Variants in PCDHGA4 observed in about 807,000 individuals in gnomAD.
PCDHGA4 encodes the protein protocadherin gamma subfamily A, 4.
A neutral mutation model predicts 54.6 loss-of-function variants in PCDHGA4; 38 were observed. That is an observed-to-expected ratio of 0.70 (90% CI 0.54 to 0.91). PCDHGA4 has a LOEUF of 0.91. PCDHGA4 is among the 40% of genes least tolerant of loss of function. PCDHGA4 has a pLI of 0.00. For synonymous variants in PCDHGA4, 511 were observed against 512.9 expected, an observed-to-expected ratio of 1.00 and a Z score of 0.05; for missense variants, 1,298 against 1,220.9, an observed-to-expected ratio of 1.06 and a Z score of -0.94.
intron 1 of PCDHGA4, chr5:141,388,548 C>A: frequency 6.2e-7 from 1 of 1,613,842 alleles, no homozygotes; most frequent in Non-Finnish European, 8.5e-7. Flanking sequence ...AGCTCCACCC[C>A]TAAGCAGCAC....
At chr5:141,503,005 G>A (rs915064303) in intron 2 of PCDHGA4, among the ~76,000 whole-genome samples, 16 of 145,340 alleles carry the variant, frequency 1.1e-4, no homozygotes, top group African/African-American at 2.3e-4. Flanking sequence ...CACCATGCCC[G>A]GTTAATTTTT....
intron 1 of PCDHGA4, chr5:141,413,345 G>A (rs2095628318): frequency 8.7e-6 from 14 of 1,613,996 alleles, no homozygotes; most frequent in Non-Finnish European, 1.0e-5. Flanking sequence ...AAGGACTTGG[G>A]TCTGGCGCCC....
rs369918010 is a variant in PCDHGA4 at position 141,356,449 on chromosome 5, G to T, written c.1342G>T (p.Glu448Ter). ...AACACTGGACAGGGAAGAAGTCTCAGAATATAACATCACTGTAACTGCCAC... is the reference window on the plus strand; with the variant it reads ...AACACTGGACAGGGAAGAAGTCTCATAATATAACATCACTGTAACTGCCAC... Reference protein sequence around the residue: ...HRTLDREEVSEYNITVTATDQ... With the variant: ...HRTLDREEVS The change falls in exon 1 of 4, where the codon GAA becomes TAA. Residue 448 changes from glutamate to a stop codon, truncating the protein, a stop_gained. Coordinates refer to ENST00000571252, the MANE Select transcript of PCDHGA4 (RefSeq NM_018917.4). LOFTEE classifies it high-confidence loss of function. 1.9e-5 allele frequency: 30 copies of T among 1,612,926 alleles called. No homozygotes were observed. Among genetic ancestry groups the T allele is most frequent in the Non-Finnish European group, 2.3e-5 (27 of 1,179,372 alleles).
At chr5:141,423,833 T>A in intron 1 of PCDHGA4, 1 of 1,262,398 alleles carries the variant, frequency 7.9e-7, no homozygotes, top group Non-Finnish European at 1.0e-6. Context: ...TTCATGAGAT[T>A]ACGATAATCT....
intron 1 of PCDHGA4, chr5:141,384,761 TG>T (rs747704737): frequency 9.3e-6 from 15 of 1,613,968 alleles, no homozygotes; most frequent in Non-Finnish European, 1.3e-5. Flanking sequence ...GCGGTTGGGC[TG>T]TACACGGGCG....
At chr5:141,421,829 T>G in intron 1 of PCDHGA4, 5 of 1,613,784 alleles carry the variant, frequency 3.1e-6, no homozygotes, top group Non-Finnish European at 4.2e-6. Context: ...GAGGGAAGCC[T>G]GGACCGAGAG....
chr5:141,366,830 C>T, intron 1 of PCDHGA4: 1 of 1,521,896 alleles, frequency 6.6e-7, no homozygotes, highest in Non-Finnish European at 8.8e-7. Context: ...TATTCAGAAT[C>T]AGCTAGTTAT....
intron 1 of PCDHGA4, chr5:141,413,354 C>T: frequency 6.2e-7 from 1 of 1,613,974 alleles, no homozygotes; most frequent in South Asian, 1.1e-5. Flanking sequence ...GGTCTGGCGC[C>T]CCGGGAGCTG....
rs570083634 is a variant in PCDHGA4, at chr5:141,427,859, C to G, written c.2515-66948C>G. 25 of 1,556,390 alleles carry G rather than the reference C, an allele frequency of 1.6e-5. No homozygotes were observed. The Admixed American group carries it at 2.0e-4, about 13-fold the overall frequency. ...CCTTCGACCACGAGCAGCTGTGCGC[C>G]TTCGAGCTCACGATGCAGGCCCACG... On this transcript the variant is annotated intron_variant, in intron 1 of 3. Coordinates refer to ENST00000571252, the MANE Select transcript of PCDHGA4 (RefSeq NM_018917.4).
chr5:141,390,665 T>C, intron 1 of PCDHGA4: 1 of 192,900 alleles, frequency 5.2e-6, no homozygotes, highest in Non-Finnish European at 1.1e-5. Context: ...ACCATAAATA[T>C]AAAAATAATA....
At chr5:141,427,969 A>G (rs1239461810) in intron 1 of PCDHGA4, 1 of 1,591,942 alleles carries the variant, frequency 6.3e-7, no homozygotes, top group Admixed American at 1.7e-5. Context: ...CGGGTGCTGT[A>G]CCCCGCGCTG....
chr5:141,403,049 T>C (rs368917303), intron 1 of PCDHGA4: 2 of 1,613,938 alleles, frequency 1.2e-6, no homozygotes, highest in Non-Finnish European at 1.7e-6. Flanking sequence ...TCAGATTCGC[T>C]ACTCAGTGCC....
chr5:141,497,385 C>T (rs2154592097), intron 2 of PCDHGA4, among the ~76,000 whole-genome samples: 1 of 152,212 alleles, frequency 6.6e-6, no homozygotes, highest in African/African-American at 2.4e-5. Flanking sequence ...GGGGTGAGCA[C>T]CTTACCCCTG....
chr5:141,481,934 AAT>A (rs1245984926), intron 1 of PCDHGA4, among the ~76,000 whole-genome samples: 5 of 147,494 alleles, frequency 3.4e-5, no homozygotes, highest in Admixed American at 3.4e-4. Flanking sequence ...AAAAAAAAAA[AAT>A]CAGCCAGATG....
Position 141,476,977 on chromosome 5 carries a change from C to A in PCDHGA4, c.2515-17830C>A, listed in dbSNP as rs141692339. On this transcript the variant is annotated intron_variant, in intron 1 of 3. Coordinates refer to ENST00000571252, the MANE Select transcript of PCDHGA4 (RefSeq NM_018917.4). The surrounding 1 kb of genome is among the most constrained non-coding windows in gnomAD (Gnocchi z 7.6). The stretch of plus-strand genomic sequence containing the variant: ...TTATTTACTCCTTCGGCAGCCACAA[C>A]CGCGCCGGCGTGCGGCAACTATTCG... 6.2e-7 allele frequency: 1 copy of A among 1,614,232 alleles called. No individual in the cohort carries two copies. The highest frequency in any genetic ancestry group is 8.5e-7 in the Non-Finnish European group (1 of 1,180,040).
At chr5:141,424,700 T>C (rs1359856009) in intron 1 of PCDHGA4, 3 of 152,228 alleles carry the variant, frequency 2.0e-5, no homozygotes, top group African/African-American at 7.2e-5. Context: ...TATTTTTTTG[T>C]TCATTTTCAG....
chr5:141,422,359 G>A, intron 1 of PCDHGA4: 1 of 1,558,858 alleles, frequency 6.4e-7, no homozygotes, highest in Non-Finnish European at 8.6e-7. Flanking sequence ...TCAAGATTCT[G>A]GAGAAAATGG....
At chr5:141,389,349 A>G in intron 1 of PCDHGA4, 1 of 1,613,980 alleles carries the variant, frequency 6.2e-7, no homozygotes, top group South Asian at 1.1e-5. Context: ...CTCTTACTGC[A>G]TCATGGCCAG....
In PCDHGA4 at chr5:141,370,457, G is replaced by T. The variant is rs774974710; in HGVS notation, c.2514+12836G>T. 2.5e-6 allele frequency: 4 copies of T among 1,611,872 alleles called. No homozygotes were observed. In the South Asian group the frequency reaches 4.4e-5, roughly 18 times the overall value. ...AGAGGCGAATGCTATTTCTCTTCCT[G>T]CTCTCTTTGTTAGACCAGGCTCTCT... On this transcript the variant is annotated intron_variant, in intron 1 of 3. Transcript: ENST00000571252.
Sources: gnomAD v4.1 joint callset for allele counts (sites outside exome capture counted in the v4.1 genomes callset) on GRCh38, gnomAD v4.1.1 for gene constraint, Gnocchi (gnomAD v3.1) non-coding constraint, MANE v1.5 for transcripts, NCBI Gene and HGNC (gene_info 2026-07-23, HGNC 2026-07-21) for gene names.